MYLK3: variants seen among roughly 807,000 people sequenced by gnomAD.
The protein encoded by MYLK3 is myosin light chain kinase 3, also known as MLC kinase.
In MYLK3, 55 loss-of-function variants were observed where a neutral mutation model predicts 76.3. That is an observed-to-expected ratio of 0.72 (90% CI 0.58 to 0.90). The LOEUF (loss-of-function observed/expected upper bound fraction) is 0.90, where lower values mean the gene tolerates loss of function less well. MYLK3 is among the 40% of genes least tolerant of loss of function. MYLK3 has a pLI of 0.00. For synonymous variants in MYLK3, 416 were observed against 425.4 expected (o/e 0.98, Z 0.27); for missense variants, 973 against 1,053.6 (o/e 0.92, Z 1.06).
At chr16:46,755,230 G>A (rs1191423604) in intron 1 of MYLK3, among the ~76,000 whole-genome samples, 2 of 152,082 alleles carry the variant, frequency 1.3e-5, no homozygotes, top group South Asian at 2.1e-4. Flanking sequence ...CTGCTTTGAC[G>A]ATATACTCCA....
chr16:46,743,968 G>T (rs770603013), intron 1 of MYLK3, among the ~76,000 whole-genome samples: 10 of 152,126 alleles, frequency 6.6e-5, no homozygotes, highest in Non-Finnish European at 1.3e-4. Flanking sequence ...AAGTTCAAAA[G>T]GTTAGCTTTA....
chr16:46,713,931 A>G (rs757983212), intron 9 of MYLK3, among the ~76,000 whole-genome samples: 1 of 152,238 alleles, frequency 6.6e-6, no homozygotes, highest in Non-Finnish European at 1.5e-5. Context: ...GAAGCTGAAC[A>G]GTATTCATCT....
chr16:46,715,819 AT>A (rs1018773394), intron 9 of MYLK3, among the ~76,000 whole-genome samples: 15 of 152,164 alleles, frequency 9.9e-5, no homozygotes, highest in African/African-American at 3.6e-4. Context: ...TTTATTTTCT[AT>A]AGTTTGTATT....
chr16:46,735,621 G>A (rs765559369), intron 3 of MYLK3, among the ~76,000 whole-genome samples: 22 of 152,210 alleles, frequency 1.4e-4, no homozygotes, highest in Non-Finnish European at 3.1e-4. Context: ...CTAGGTGCGT[G>A]TGACTCACTG....
chr16:46,759,923 C>T (rs1272864652), intron 1 of MYLK3, among the ~76,000 whole-genome samples: 5 of 152,224 alleles, frequency 3.3e-5, no homozygotes, highest in African/African-American at 7.2e-5. Flanking sequence ...TTAGCCACCA[C>T]GCCCAGCCCC....
At chr16:46,721,088 A>G (rs1567283227) in intron 9 of MYLK3, 35 bp downstream of exon 9, 3 of 1,587,306 alleles carry the variant, frequency 1.9e-6, no homozygotes, top group Non-Finnish European at 2.6e-6. Context: ...AGTCCCAAGG[A>G]ATTTTGTTAA....
upstream of MYLK3, among the ~76,000 whole-genome samples, chr16:46,752,052 C>A (rs562165263): frequency 6.6e-6 from 1 of 152,200 alleles, no homozygotes; most frequent in Non-Finnish European, 1.5e-5. Flanking sequence ...AATACAATAA[C>A]CCCTTGTCTT....
chr16:46,732,770 C>T (rs1383297016), intron 3 of MYLK3, 102 bp from the exon 4 acceptor site: 5 of 956,826 alleles, frequency 5.2e-6, no homozygotes, highest in African/African-American at 1.7e-5. Context: ...TGACAATGGC[C>T]CTGGGGCCCT....
At chr16:46,746,887 T>G (rs958198910) in intron 1 of MYLK3, among the ~76,000 whole-genome samples, 1 of 151,952 alleles carries the variant, frequency 6.6e-6, no homozygotes, top group African/African-American at 2.4e-5. Flanking sequence ...TCTGGCCTGG[T>G]GCGGGGAGGG....
intron 8 of MYLK3, among the ~76,000 whole-genome samples, chr16:46,722,859 G>A (rs1159631556): frequency 3.9e-5 from 6 of 152,054 alleles, no homozygotes; most frequent in Non-Finnish European, 8.8e-5. Flanking sequence ...ACAGGTGTGG[G>A]CCACCACACC....
At chr16:46,761,700 C>T (rs1447458339) in intron 1 of MYLK3, among the ~76,000 whole-genome samples, 2 of 151,752 alleles carry the variant, frequency 1.3e-5, no homozygotes, top group Admixed American at 6.6e-5. Context: ...CACCTGTAAT[C>T]CCAGCTACTC....
chr16:46,738,096 G>A lies in MYLK3; in HGVS notation c.616C>T (p.Pro206Ser). The change falls in exon 3 of 13, where the codon CCC (proline) becomes TCC (serine). Residue 206 changes from proline (P) to serine (S), a missense_variant. This residue lies in a region of MYLK3 where 641 missense variants were observed against 637.0 expected (regional missense o/e 1.01). Coordinates refer to ENST00000394809, the MANE Select transcript of MYLK3 (RefSeq NM_182493.3). ...VLEGTAERLP[P>S]IRASGLGADP... The stretch of plus-strand genomic sequence containing the variant: ...GCTCCCAGCCCTGACGCTCTGATGG[G>A]GGGCAGCCTCTCCGCTGTCCCCTCC... 1.3e-6 allele frequency: 2 copies of A among 1,590,116 alleles called. No individual in the cohort carries two copies. The highest frequency in any genetic ancestry group is 1.7e-6 in the Non-Finnish European group (2 of 1,168,396).
intron 1 of MYLK3, among the ~76,000 whole-genome samples, chr16:46,747,292 T>A (rs900193258): frequency 6.6e-6 from 1 of 152,144 alleles, no homozygotes; most frequent in Non-Finnish European, 1.5e-5. Flanking sequence ...AAGCTCAAGG[T>A]TGGGGACAGG....
intron 12 of MYLK3, among the ~76,000 whole-genome samples, chr16:46,709,056 T>C (rs1406860489): frequency 6.6e-6 from 1 of 152,230 alleles, no homozygotes; most frequent in East Asian, 1.9e-4. Context: ...TAAATCAAGC[T>C]AGCAGCTTTT....
chr16:46,732,979 C>T (rs529974298), intron 3 of MYLK3, among the ~76,000 whole-genome samples: 2 of 152,322 alleles, frequency 1.3e-5, no homozygotes, highest in South Asian at 4.1e-4. Flanking sequence ...TTCCCCTGGG[C>T]CCAGTTTCCC....
At position 46,702,881 on chromosome 16, in the gene MYLK3, A is replaced by G. The variant is rs1596740295; in HGVS notation, c.*4823T>C. 6.7e-6 allele frequency among the ~76,000 whole-genome samples: 1 copy of G among 150,202 alleles called. No individual in the cohort carries two copies. The highest frequency in any genetic ancestry group is 2.5e-5 in the African/African-American group (1 of 40,742). ...TGTTGCAGTAAGCCAAGATTGCGCCACTGCACTCCAGCCTGGCAACAGAGT... is the reference window on the plus strand; with the variant it reads ...TGTTGCAGTAAGCCAAGATTGCGCCGCTGCACTCCAGCCTGGCAACAGAGT... On this transcript the variant is annotated 3_prime_UTR_variant, in exon 13 of 13. Coordinates refer to ENST00000394809, the MANE Select transcript of MYLK3 (RefSeq NM_182493.3).
At chr16:46,763,002 CA>C in intron 1 of MYLK3, 5 of 979,666 alleles carry the variant, frequency 5.1e-6, no homozygotes, top group Non-Finnish European at 4.8e-6. Flanking sequence ...AACACCCCCC[CA>C]CACACACACA....
chr16:46,745,777 C>T (rs2143016889), intron 1 of MYLK3, among the ~76,000 whole-genome samples: 1 of 152,090 alleles, frequency 6.6e-6, no homozygotes, highest in Admixed American at 6.6e-5. Context: ...AGTTCTGGTG[C>T]TACAGATTGT....
chr16:46,727,507 G>T (rs753524911), intron 7 of MYLK3, 130 bp from the exon 8 acceptor site: 10 of 976,478 alleles, frequency 1.0e-5, no homozygotes, highest in Non-Finnish European at 1.5e-5. Flanking sequence ...TCACAGGGCT[G>T]CTGCCACTGC....
Sources: gnomAD v4.1 joint callset for allele counts (sites outside exome capture counted in the v4.1 genomes callset) on GRCh38, gnomAD v4.1.1 for gene constraint, gnomAD v4.1.1 regional missense constraint, MANE v1.5 for transcripts, NCBI Gene and HGNC (gene_info 2026-07-23, HGNC 2026-07-21) for gene names.